The following TJP1 variants were observed in gnomAD, a reference collection of about 807,000 sequenced individuals.
TJP1 encodes the protein tight junction protein 1.
In TJP1, 43 loss-of-function variants were observed where a neutral mutation model predicts 194.2. The observed-to-expected ratio is 0.22, with a 90% CI of 0.17 to 0.29. The LOEUF (loss-of-function observed/expected upper bound fraction) is 0.29, where lower values mean the gene tolerates loss of function less well. Ranked by LOEUF, TJP1 falls within the 10% of genes least tolerant of loss-of-function variation. The probability of loss-of-function intolerance (pLI) is 1.00; values close to 1 mark genes in which losing one functional copy is unlikely to be tolerated. For synonymous variants in TJP1, 801 were observed against 779.0 expected (o/e 1.03, Z -0.47); for missense variants, 1,971 against 2,185.7 (o/e 0.90, Z 1.96).
At chr15:29,774,895 A>C (rs1187217154) in intron 2 of TJP1, among the ~76,000 whole-genome samples, 1 of 152,156 alleles carries the variant, frequency 6.6e-6, no homozygotes. Flanking sequence ...ACAAAAATAG[A>C]CCAACTACAG....
chr15:29,934,416 T>G (rs920018759), intron 2 of TJP1, among the ~76,000 whole-genome samples: 1 of 152,218 alleles, frequency 6.6e-6, no homozygotes, highest in African/African-American at 2.4e-5. Context: ...AGGAATGTAA[T>G]GATTCACAGT....
chr15:29,817,920 G>A (rs1026354198), intron 1 of TJP1, among the ~76,000 whole-genome samples: 1 of 151,868 alleles, frequency 6.6e-6, no homozygotes, highest in Non-Finnish European at 1.5e-5. Context: ...AAACTTAGAT[G>A]ATGGGTTCAT....
intron 2 of TJP1, among the ~76,000 whole-genome samples, chr15:29,831,955 T>C (rs115517679): frequency 7.9e-4 from 121 of 152,330 alleles, no homozygotes; most frequent in African/African-American, 2.8e-3. Context: ...TAAATGTTGG[T>C]GTACATTTGA....
chr15:29,923,438 G>A (rs1313243684), intron 2 of TJP1, among the ~76,000 whole-genome samples: 8 of 152,152 alleles, frequency 5.3e-5, no homozygotes, highest in African/African-American at 1.9e-4. Context: ...CAGACTCACA[G>A]GCCCTTCTGC....
At chr15:29,773,971 T>C (rs1256298689) in intron 2 of TJP1, among the ~76,000 whole-genome samples, 2 of 152,168 alleles carry the variant, frequency 1.3e-5, no homozygotes, top group Non-Finnish European at 2.9e-5. Flanking sequence ...GAGCCAAGAA[T>C]CTTTACCACA....
intron 2 of TJP1, among the ~76,000 whole-genome samples, chr15:29,850,644 T>C (rs144246111): frequency 6.6e-6 from 1 of 152,110 alleles, no homozygotes; most frequent in East Asian, 2.0e-4. Context: ...CAAATGTTTA[T>C]TGTTTTAAGC....
At chr15:29,767,743 C>T (rs1433041058) in intron 4 of TJP1, among the ~76,000 whole-genome samples, 2 of 152,016 alleles carry the variant, frequency 1.3e-5, no homozygotes, top group Non-Finnish European at 2.9e-5. Flanking sequence ...CATTTTACTC[C>T]CCCTCCCCTC....
chr15:29,770,704 A>G (rs960968184), intron 4 of TJP1, among the ~76,000 whole-genome samples: 1 of 151,958 alleles, frequency 6.6e-6, no homozygotes, highest in African/African-American at 2.4e-5. Flanking sequence ...AAAAAACCAA[A>G]AAGAACCCAA....
intron 2 of TJP1, among the ~76,000 whole-genome samples, chr15:29,774,901 T>C (rs2046920132): frequency 2.0e-5 from 3 of 151,724 alleles, no homozygotes; most frequent in African/African-American, 7.2e-5. Flanking sequence ...ATAGACCAAC[T>C]ACAGTGGTTC....
At chr15:29,895,713 T>A (rs1230958689) in intron 2 of TJP1, among the ~76,000 whole-genome samples, 4 of 152,194 alleles carry the variant, frequency 2.6e-5, no homozygotes, top group Non-Finnish European at 4.4e-5. Flanking sequence ...CTTGTCTCTA[T>A]CCATTATCCA....
At chr15:29,807,019 G>C (rs2049154540) in intron 1 of TJP1, among the ~76,000 whole-genome samples, 1 of 152,108 alleles carries the variant, frequency 6.6e-6, no homozygotes, top group Non-Finnish European at 1.5e-5. Flanking sequence ...AAATAAGAAG[G>C]CAGCAACCAT....
intron 20 of TJP1, among the ~76,000 whole-genome samples, chr15:29,719,381 A>G (rs2042791651): frequency 6.6e-6 from 1 of 152,218 alleles, no homozygotes; most frequent in Admixed American, 6.5e-5. Flanking sequence ...AAAGATAAAT[A>G]TTAAATTTAG....
Position 29,720,002 on chromosome 15 carries a change from T to C in TJP1, c.2778A>G (p.Ser926=), listed in dbSNP as rs377012055. The C allele has an allele frequency of 8.7e-6, 14 of 1,608,202 alleles. No individual in the cohort carries two copies. Among genetic ancestry groups the C allele is most frequent in the Non-Finnish European group, 1.2e-5 (14 of 1,178,270 alleles). The change falls in exon 20 of 28, where the codon TCA becomes TCG. Residue 926 remains serine, a synonymous_variant. Coordinates refer to ENST00000614355, the MANE Select transcript of TJP1 (RefSeq NM_001330239.4). The part of the protein sequence containing the change: ...KPASQQKAEA[S]SPVPYLSPET... ...CAGGCGAAAGGTAAGGGACTGGAGA[T>C]GAAGCTTCTGCTTTCTGTGAAGTGT...
chr15:29,815,895 G>C (rs2049879002), intron 1 of TJP1, among the ~76,000 whole-genome samples: 1 of 152,204 alleles, frequency 6.6e-6, no homozygotes, highest in African/African-American at 2.4e-5. Flanking sequence ...AGGGGAAAAA[G>C]GGAGTGGAAC....
chr15:29,808,159 T>C (rs964186715), intron 1 of TJP1, among the ~76,000 whole-genome samples: 6 of 152,096 alleles, frequency 3.9e-5, no homozygotes, highest in Non-Finnish European at 8.8e-5. Context: ...TCCCAGCTAC[T>C]TGGGAGGCTG....
At chr15:29,752,367 G>A (rs952344518) in intron 8 of TJP1, among the ~76,000 whole-genome samples, 5 of 152,144 alleles carry the variant, frequency 3.3e-5, no homozygotes, top group African/African-American at 1.2e-4. Context: ...GCCTCCCAAA[G>A]TGCTGAGATT....
chr15:29,967,332 G>A (rs1336440741), intron 1 of TJP1, among the ~76,000 whole-genome samples: 1 of 151,570 alleles, frequency 6.6e-6, no homozygotes, highest in Non-Finnish European at 1.5e-5. Flanking sequence ...CACTATACCC[G>A]GCACATTAAA....
intron 2 of TJP1, among the ~76,000 whole-genome samples, chr15:29,912,598 C>G (rs1371236908): frequency 1.4e-5 from 2 of 145,580 alleles, no homozygotes; most frequent in Non-Finnish European, 3.0e-5. Flanking sequence ...CCTAGCTACT[C>G]AGGAGGCTGA....
chr15:29,700,732 A>G lies in TJP1; in HGVS notation c.*863T>C, dbSNP rs115489639. 941 of 290,102 alleles carry G rather than the reference A, an allele frequency of 3.2e-3. 11 individuals carry two copies. The highest frequency in any genetic ancestry group is 0.019 in the African/African-American group (874 of 46,244). 18.0% of individuals were successfully genotyped at this position (290,102 alleles called of 1,614,324 possible). On this transcript the variant is annotated 3_prime_UTR_variant, in exon 28 of 28. Transcript: ENST00000614355. Reference sequence around the variant, plus strand: ...CCACTGCCCCTTGTCAAAAAAAAAAAAAAAGAAAAGAAAAGAAAAGAAAAA... The same window carrying G: ...CCACTGCCCCTTGTCAAAAAAAAAAGAAAAGAAAAGAAAAGAAAAGAAAAA...
Sources: gnomAD v4.1 joint callset for allele counts (sites outside exome capture counted in the v4.1 genomes callset) on GRCh38, gnomAD v4.1.1 for gene constraint, MANE v1.5 for transcripts, NCBI Gene and HGNC (gene_info 2026-07-23, HGNC 2026-07-21) for gene names.